Variants in FAM24B observed in about 807,000 individuals in gnomAD.
The protein encoded by FAM24B is family with sequence similarity 24 member B.
In FAM24B, 3 loss-of-function variants were observed where a neutral mutation model predicts 2.3. The ratio of observed to expected loss-of-function variants is 1.29; its 90% CI spans 0.59 to 3.32. The LOEUF (loss-of-function observed/expected upper bound fraction) is 3.32, where lower values mean the gene tolerates loss of function less well. Ranked by LOEUF, FAM24B falls within the 30% of genes most tolerant of loss-of-function variation. FAM24B has a pLI of 0.03. For synonymous variants in FAM24B, 36 were observed against 46.3 expected, an observed-to-expected ratio of 0.78 and a Z score of 0.90; for missense variants, 98 against 117.2, an observed-to-expected ratio of 0.84 and a Z score of 0.76.
At chr10:122,859,203 G>A (rs775683843) in intron 1 of FAM24B, among the ~76,000 whole-genome samples, 16 of 152,180 alleles carry the variant, frequency 1.1e-4, no homozygotes, top group Non-Finnish European at 1.9e-4. Context: ...CCCAATCCCT[G>A]TTCCACACTC....
intron 1 of FAM24B, among the ~76,000 whole-genome samples, chr10:122,878,285 C>A (rs929369164): frequency 2.7e-4 from 41 of 152,286 alleles, no homozygotes; most frequent in Non-Finnish European, 5.0e-4. Flanking sequence ...GTAATCCCAG[C>A]ACTTTTGGGA....
chr10:122,872,155 T>C (rs1165181937), intron 1 of FAM24B, among the ~76,000 whole-genome samples: 10 of 152,236 alleles, frequency 6.6e-5, no homozygotes, highest in East Asian at 1.9e-4. Context: ...CAAAAGAAGA[T>C]ATTTATGCAG....
At chr10:122,871,711 T>G (rs9423286) in intron 1 of FAM24B, among the ~76,000 whole-genome samples, 2,160 of 152,142 alleles carry the variant, frequency 0.014, 31 homozygotes, top group East Asian at 0.069. Context: ...TAATAAATGG[T>G]GCTGGGAAAA....
intron 1 of FAM24B, among the ~76,000 whole-genome samples, chr10:122,870,519 T>C (rs1847877663): frequency 6.6e-6 from 1 of 152,190 alleles, no homozygotes; most frequent in Non-Finnish European, 1.5e-5. Context: ...TTGATGAACA[T>C]TGATGCAAAA....
At chr10:122,855,481 C>G (rs1367404651) in intron 2 of FAM24B, 164 bp downstream of exon 2, 3 of 152,228 alleles carry the variant, frequency 2.0e-5, no homozygotes, top group African/African-American at 7.2e-5. Flanking sequence ...AGGAAGATCA[C>G]AATCTGCCAC....
intron 1 of FAM24B, among the ~76,000 whole-genome samples, chr10:122,869,316 C>G (rs1847853667): frequency 6.6e-6 from 1 of 152,202 alleles, no homozygotes; most frequent in South Asian, 2.1e-4. Context: ...GAGACTTAGA[C>G]TCCCACACAA....
chr10:122,850,369 CT>C, intron 3 of FAM24B, 54 bp downstream of exon 3: 1 of 1,441,376 alleles, frequency 6.9e-7, no homozygotes, highest in South Asian at 1.1e-5. Flanking sequence ...GTGCTATCCC[CT>C]TTTCCCCATG....
intron 1 of FAM24B, among the ~76,000 whole-genome samples, chr10:122,875,545 C>T (rs1048240010): frequency 6.6e-6 from 1 of 152,174 alleles, no homozygotes; most frequent in African/African-American, 2.4e-5. Context: ...AATCAGGCTA[C>T]TTGATTCATG....
intron 1 of FAM24B, among the ~76,000 whole-genome samples, chr10:122,876,407 T>C (rs1847977686): frequency 6.6e-6 from 1 of 152,178 alleles, no homozygotes; most frequent in Non-Finnish European, 1.5e-5. Flanking sequence ...GAGGGCAGTT[T>C]TCAAAAAGGT....
chr10:122,868,112 T>C (rs1847830169), intron 1 of FAM24B, among the ~76,000 whole-genome samples: 1 of 152,116 alleles, frequency 6.6e-6, no homozygotes, highest in South Asian at 2.1e-4. Flanking sequence ...CTGATGGAGA[T>C]GAAAACCATG....
intron 1 of FAM24B, among the ~76,000 whole-genome samples, chr10:122,876,991 A>G (rs1847985188): frequency 6.6e-6 from 1 of 152,230 alleles, no homozygotes; most frequent in African/African-American, 2.4e-5. Context: ...ATTCTACTCT[A>G]AATTCTACAA....
intron 1 of FAM24B, among the ~76,000 whole-genome samples, chr10:122,876,583 C>A (rs1246850911): frequency 1.3e-5 from 2 of 152,198 alleles, no homozygotes; most frequent in Non-Finnish European, 2.9e-5. Flanking sequence ...ACTCAGCATC[C>A]AGCAAGTCAT....
At chr10:122,856,138 A>C (rs1230709318) in intron 1 of FAM24B, among the ~76,000 whole-genome samples, 1 of 152,138 alleles carries the variant, frequency 6.6e-6, no homozygotes, top group African/African-American at 2.4e-5. Flanking sequence ...GCTGAAGCAG[A>C]GAGTGTCCAG....
chr10:122,850,568 A>T lies in FAM24B; in HGVS notation c.-35-18T>A. ...CGATGTACCTAGGCAGATAAGTGCAAGCAAGCACTGAGCCCACGTGGTCTC... is the reference window on the plus strand; with the variant it reads ...CGATGTACCTAGGCAGATAAGTGCATGCAAGCACTGAGCCCACGTGGTCTC... On this transcript the variant is annotated intron_variant, in intron 2 of 3. Transcript: ENST00000368898. The T allele has an allele frequency of 9.0e-6, 12 of 1,326,694 alleles. No individual in the cohort carries two copies. In the South Asian group the frequency reaches 1.2e-4, roughly 13 times the overall value. The allele number at this position is 1,326,694 out of a possible 1,614,324, so 82.2% of individuals were successfully genotyped here.
At chr10:122,877,974 G>A (rs867829452) in intron 1 of FAM24B, among the ~76,000 whole-genome samples, 4 of 152,152 alleles carry the variant, frequency 2.6e-5, no homozygotes, top group South Asian at 2.1e-4. Context: ...CTGTACAGAT[G>A]GTTGGGAAAA....
At chr10:122,878,536 GA>G (rs113044867) in intron 1 of FAM24B, among the ~76,000 whole-genome samples, 2,739 of 145,716 alleles carry the variant, frequency 0.019, 31 homozygotes, top group Non-Finnish European at 0.025. Flanking sequence ...CATCTCAAAA[GA>G]AAAAAAAAAG....
At chr10:122,853,753 AT>A (rs1260875579) in intron 2 of FAM24B, among the ~76,000 whole-genome samples, 1 of 152,178 alleles carries the variant, frequency 6.6e-6, no homozygotes, top group Non-Finnish European at 1.5e-5. Context: ...GAAAGTGAAA[AT>A]AAATTAGCCA....
chr10:122,871,981 C>A (rs534229303), intron 1 of FAM24B, among the ~76,000 whole-genome samples: 8 of 152,140 alleles, frequency 5.3e-5, no homozygotes, highest in African/African-American at 1.9e-4. Flanking sequence ...CAAAAGAAAC[C>A]ACCGTCAGAG....
At chr10:122,872,730 G>C (rs943155634) in intron 1 of FAM24B, among the ~76,000 whole-genome samples, 16 of 152,018 alleles carry the variant, frequency 1.1e-4, no homozygotes, top group South Asian at 6.2e-4. Flanking sequence ...GGTGGGAATT[G>C]AACAATGAGA....
Sources: allele counts gnomAD v4.1 joint callset (sites outside exome capture counted in the v4.1 genomes callset), GRCh38; gene constraint gnomAD v4.1.1; transcripts MANE v1.5; gene names NCBI Gene and HGNC (gene_info 2026-07-23, HGNC 2026-07-21).